Variants in ASPRV1 observed in about 807,000 individuals in gnomAD.
The protein encoded by ASPRV1 is retroviral-like aspartic protease 1.
A neutral mutation model predicts 11.0 loss-of-function variants in ASPRV1; 7 were observed. That is an observed-to-expected ratio of 0.64 (90% CI 0.36 to 1.20). The LOEUF is 1.20. ASPRV1 is among the 50% of genes most tolerant of loss of function. The probability of loss-of-function intolerance (pLI) is 0.02; values close to 1 mark genes in which losing one functional copy is unlikely to be tolerated. For synonymous variants in ASPRV1, 136 were observed against 138.4 expected (o/e 0.98, Z 0.12); for missense variants, 299 against 320.0 (o/e 0.93, Z 0.50).
At chr2:70,077,927 G>A in the ASPRV1 span, among the ~76,000 whole-genome samples, 8 of 152,122 alleles carry the variant, frequency 5.3e-5, no homozygotes, top group Non-Finnish European at 8.8e-5. Flanking sequence ...CAGCACTCTG[G>A]GAGGCGGAGG....
At chr2:70,046,784 T>C in the ASPRV1 span, 1 of 152,168 alleles carries the variant, frequency 6.6e-6, no homozygotes, top group African/African-American at 2.4e-5. Context: ...CTCAACAGCA[T>C]GTGCTCAGGG....
chr2:70,069,694 A>T, the ASPRV1 span, among the ~76,000 whole-genome samples: 1 of 152,150 alleles, frequency 6.6e-6, no homozygotes. Context: ...CTGTCTCACT[A>T]AAAAGTTTCT....
the ASPRV1 span, among the ~76,000 whole-genome samples, chr2:70,005,668 C>G: frequency 1.4e-5 from 2 of 148,026 alleles, no homozygotes; most frequent in Non-Finnish European, 2.9e-5. Context: ...AGCTGAGCCA[C>G]ATTTAGTAAA....
the ASPRV1 span, among the ~76,000 whole-genome samples, chr2:70,029,816 G>C: frequency 5.3e-5 from 8 of 152,226 alleles, no homozygotes; most frequent in African/African-American, 1.4e-4. Context: ...CCTCCCTAGA[G>C]GAGGCTGAGG....
the ASPRV1 span, among the ~76,000 whole-genome samples, chr2:70,078,193 C>G: frequency 6.6e-6 from 1 of 152,166 alleles, no homozygotes; most frequent in Non-Finnish European, 1.5e-5. Context: ...ATTCATTCAG[C>G]TCCTATGTTA....
chr2:69,938,138 G>A, the ASPRV1 span: 1 of 1,614,232 alleles, frequency 6.2e-7, no homozygotes, highest in South Asian at 1.1e-5. Context: ...CTATCTCACA[G>A]GTGATCTGGA....
the ASPRV1 span, chr2:70,045,912 ACT>A: frequency 1.3e-5 from 2 of 152,252 alleles, no homozygotes; most frequent in Non-Finnish European, 2.9e-5. Context: ...ATAGAGCGAG[ACT>A]CTAAAAAAGC....
the ASPRV1 span, chr2:70,053,927 T>C: frequency 2.0e-5 from 3 of 152,258 alleles, no homozygotes; most frequent in African/African-American, 7.2e-5. Context: ...TGTGTATTTA[T>C]TGAACAACTC....
At chr2:70,054,423 C>A in the ASPRV1 span, among the ~76,000 whole-genome samples, 1 of 150,972 alleles carries the variant, frequency 6.6e-6, no homozygotes, top group Non-Finnish European at 1.5e-5. Context: ...AAAATACACA[C>A]AAAAAAATTA....
At chr2:70,075,040 G>A in the ASPRV1 span, 1 of 151,400 alleles carries the variant, frequency 6.6e-6, no homozygotes, top group East Asian at 2.0e-4. Flanking sequence ...CTTGAACCCA[G>A]GAGATGGAGG....
chr2:69,944,408 C>T, the ASPRV1 span, among the ~76,000 whole-genome samples: 1 of 152,224 alleles, frequency 6.6e-6, no homozygotes, highest in Non-Finnish European at 1.5e-5. Context: ...TGCGCCACTG[C>T]AGGGCCTCCG....
the ASPRV1 span, among the ~76,000 whole-genome samples, chr2:70,057,481 G>GT: frequency 1.3e-5 from 2 of 151,534 alleles, no homozygotes; most frequent in African/African-American, 4.9e-5. Context: ...CATCCATTAT[G>GT]TATCTTTTTT....
chr2:70,067,138 A>G, the ASPRV1 span, among the ~76,000 whole-genome samples: 2 of 152,216 alleles, frequency 1.3e-5, no homozygotes, highest in Non-Finnish European at 2.9e-5. Context: ...CGTACAGGGC[A>G]GTAGCAATGG....
the ASPRV1 span, among the ~76,000 whole-genome samples, chr2:69,987,603 AAT>A: frequency 1.4e-4 from 21 of 150,488 alleles, no homozygotes; most frequent in South Asian, 2.1e-4. Context: ...AAAAAAAAAA[AAT>A]TTAGCCGGGC....
chr2:69,979,191 C>G, the ASPRV1 span, among the ~76,000 whole-genome samples: 2 of 152,114 alleles, frequency 1.3e-5, no homozygotes, highest in Admixed American at 1.3e-4. Context: ...CATGCCACCA[C>G]ACCCAGCTAA....
the ASPRV1 span, among the ~76,000 whole-genome samples, chr2:69,947,783 T>C: frequency 7.9e-5 from 12 of 152,102 alleles, no homozygotes; most frequent in Admixed American, 1.3e-4. Context: ...TGTTTGGTTA[T>C]GGAAACAAAC....
chr2:70,062,914 T>C, the ASPRV1 span, among the ~76,000 whole-genome samples: 1 of 152,254 alleles, frequency 6.6e-6, no homozygotes, highest in South Asian at 2.1e-4. Context: ...GCAAAGACAG[T>C]TAGCAGTCTC....
downstream of ASPRV1, among the ~76,000 whole-genome samples, chr2:69,959,908 C>A (rs1480921582): frequency 6.6e-6 from 1 of 152,140 alleles, no homozygotes; most frequent in Non-Finnish European, 1.5e-5. Flanking sequence ...GAGAGCAATT[C>A]TGGAGGGAAT....
chr2:70,057,681 T>C, the ASPRV1 span, among the ~76,000 whole-genome samples: 2 of 151,878 alleles, frequency 1.3e-5, no homozygotes, highest in African/African-American at 4.8e-5. Flanking sequence ...GTTTCATCAT[T>C]TTAGCCAGGC....
Sources: gnomAD v4.1 joint callset for allele counts (sites outside exome capture counted in the v4.1 genomes callset) on GRCh38, gnomAD v4.1.1 for gene constraint, MANE v1.5 for transcripts, NCBI Gene and HGNC (gene_info 2026-07-23, HGNC 2026-07-21) for gene names.